The following TIMM44 variants were observed in gnomAD, a reference collection of about 807,000 sequenced individuals.
The protein encoded by TIMM44 is translocase of inner mitochondrial membrane 44, also known as mitochondrial import inner membrane translocase subunit TIM44.
A neutral mutation model predicts 63.8 loss-of-function variants in TIMM44; 37 were observed. The ratio of observed to expected loss-of-function variants is 0.58; its 90% confidence interval spans 0.45 to 0.76. TIMM44 has a LOEUF of 0.76. TIMM44 is among the 30% of genes least tolerant of loss of function. The pLI is 0.00. For synonymous variants in TIMM44, 239 were observed against 245.1 expected, an observed-to-expected ratio of 0.98 and a Z score of 0.23; for missense variants, 573 against 603.8, an observed-to-expected ratio of 0.95 and a Z score of 0.54.
In TIMM44 at chr19:7,928,028, T is replaced by C. The variant is rs566310395; in HGVS notation, c.1128+49A>G. 8.4e-6 allele frequency: 13 copies of C among 1,555,682 alleles called. No homozygotes were observed. The East Asian group carries it at 1.6e-4, about 19-fold the overall frequency. On this transcript the variant is annotated intron_variant, in intron 11 of 12. Transcript: ENST00000270538. ...CACCTCCTGGGCCTTGTCTGGGCCA[T>C]AGTTCCCACCCCCGATGGTGGCCCG...
chr19:7,928,228 AGCT>A, intron 10 of TIMM44, 62 bp from the exon 11 acceptor site: 1 of 1,417,598 alleles, frequency 7.1e-7, no homozygotes, highest in Non-Finnish European at 9.8e-7. Context: ...CGCCACACAG[AGCT>A]GCTGCCCACA....
chr19:7,940,599 A>G (rs907014058), intron 2 of TIMM44, among the ~76,000 whole-genome samples: 3 of 152,038 alleles, frequency 2.0e-5, no homozygotes, highest in Admixed American at 2.0e-4. Flanking sequence ...CGCTGCCCGA[A>G]TGTACAGGTC....
chr19:7,927,371 G>C (rs1017102296), intron 12 of TIMM44, 65 bp from the exon 13 acceptor site: 17 of 1,587,408 alleles, frequency 1.1e-5, no homozygotes, highest in Middle Eastern at 2.2e-4. Context: ...CTCTGGGGGG[G>C]GGCCAGGCTC....
At chr19:7,937,415 G>A (rs995528247) in intron 3 of TIMM44, among the ~76,000 whole-genome samples, 2 of 152,214 alleles carry the variant, frequency 1.3e-5, no homozygotes, top group African/African-American at 4.8e-5. Context: ...GTGAAGATGC[G>A]GGCGCTGGCC....
chr19:7,927,983 C>T (rs1470777576), intron 11 of TIMM44, 94 bp downstream of exon 11: 4 of 1,294,040 alleles, frequency 3.1e-6, no homozygotes, highest in African/African-American at 1.5e-5. Flanking sequence ...CAGCCCATGG[C>T]CCCCAGCCCC....
chr19:7,938,284 T>A (rs993054916), intron 2 of TIMM44, 87 bp from the exon 3 acceptor site: 36 of 1,044,414 alleles, frequency 3.4e-5, no homozygotes, highest in African/African-American at 9.7e-5. Flanking sequence ...GGGATTTTTT[T>A]AAATGTTCTC....
At chr19:7,938,613 C>G (rs970838896) in intron 2 of TIMM44, among the ~76,000 whole-genome samples, 2 of 152,078 alleles carry the variant, frequency 1.3e-5, no homozygotes, top group Non-Finnish European at 2.9e-5. Flanking sequence ...TCGAGACCAG[C>G]CTGGCCAAAA....
At chr19:7,940,972 C>G in intron 2 of TIMM44, 130 bp downstream of exon 2, 2 of 734,990 alleles carry the variant, frequency 2.7e-6, no homozygotes, top group Non-Finnish European at 4.8e-6. Context: ...CTGAAAGCCC[C>G]GGACACAGAA....
rs2279528 is a variant in TIMM44, at chr19:7,932,791, G to A, written c.863-40C>T. 0.23 allele frequency: 378,695 copies of A among 1,613,920 alleles called. 47,399 individuals are homozygous for A. Among genetic ancestry groups the A allele is most frequent in the East Asian group, 0.46 (20,702 of 44,854 alleles). On this transcript the variant is annotated intron_variant, in intron 8 of 12. Transcript: ENST00000270538. ...GCCGGGAGTTCGGGGGGAAGGCCGG[G>A]GACCCCGCCCCACCACCAGCCTGCG...
chr19:7,927,676 T>C lies in TIMM44; in HGVS notation c.1220A>G (p.Glu407Gly). The change falls in exon 12 of 13, where the codon GAG (glutamate) becomes GGG (glycine). Residue 407 changes from glutamate (E) to glycine (G), a missense_variant. Glu to Gly is a moderately conservative substitution (Grantham distance 98, BLOSUM62 -2). Transcript: ENST00000270538. ...LVMVVRNPKG[E>G]VVEGDPDKVL... ...ACTCACCGGGTCACCCTCCACCACC[T>C]CGCCTTTGGGGTTCCTGACCACCAT... 1 of 1,613,424 alleles carries C rather than the reference T, an allele frequency of 6.2e-7. No individual in the cohort carries two copies. Among genetic ancestry groups the C allele is most frequent in the Non-Finnish European group, 8.5e-7 (1 of 1,179,986 alleles).
At chr19:7,928,053 G>A (rs201680343) in intron 11 of TIMM44, 24 bp downstream of exon 11, 469 of 1,605,938 alleles carry the variant, frequency 2.9e-4, no homozygotes, top group South Asian at 2.1e-3. Context: ...ATGGTGGCCC[G>A]GGCCCCCACT....
Position 7,943,637 on chromosome 19 carries a change from G to A in TIMM44, c.15C>T (p.Ala5=), listed in dbSNP as rs779443680. The change falls in exon 1 of 13, where the codon GCC becomes GCT. Residue 5 remains alanine (A), a synonymous_variant. Transcript: ENST00000270538. The surrounding 1 kb of genome is among the most constrained non-coding windows in gnomAD (Gnocchi z 4.3). ...GACAGCGGCACCAGCCACTCCGCAG[G>A]GCCGCCGCCGCCATGTTGGAGAATC... The part of the protein sequence containing the change: MAAA[A]LRSGWCRCPR... The A allele has an allele frequency of 1.4e-5, 22 of 1,568,136 alleles. No homozygotes were observed. The highest frequency in any genetic ancestry group is 1.5e-5 in the Non-Finnish European group (17 of 1,164,092).
At position 7,927,313 on chromosome 19, in the gene TIMM44, G is replaced by A. The variant is rs1331464256; in HGVS notation, c.1240-7C>T. The A allele has an allele frequency of 1.9e-6, 3 of 1,609,908 alleles. No individual in the cohort carries two copies. In the Admixed American group the frequency reaches 5.0e-5, roughly 27 times the overall value. On this transcript the variant is annotated splice_region_variant and splice_polypyrimidine_tract_variant and intron_variant, in intron 12 of 12. Transcript: ENST00000270538. ...GCATCCGCAGCACCTTGTCCTGCAGGGTGGGGTGGGAAGGGCACTGTTGAG... is the reference window on the plus strand; with the variant it reads ...GCATCCGCAGCACCTTGTCCTGCAGAGTGGGGTGGGAAGGGCACTGTTGAG...
chr19:7,935,136 C>T lies in TIMM44; in HGVS notation c.322G>A (p.Glu108Lys), dbSNP rs146002924. The T allele has an allele frequency of 3.2e-5, 52 of 1,601,384 alleles. No homozygotes were observed. Among genetic ancestry groups the T allele is most frequent in the East Asian group, 1.6e-4 (7 of 44,774 alleles). ...QEARRKYKTIESETVRTSEVL... is the reference protein window; with the variant it reads ...QEARRKYKTIKSETVRTSEVL... ...TCGCTCGTCCGCACGGTTTCTGACT[C>T]GATGGTTTTCTAGGTAAAGAGCGCT... Residue 108 changes from glutamate to lysine, a missense_variant, in exon 4 of 13, where the codon GAG (glutamate) becomes AAG (lysine). Physicochemically the swap from Glu to Lys is moderately conservative, Grantham distance 56 (BLOSUM62 1). Transcript: ENST00000270538.
chr19:7,935,142 T>C lies in TIMM44; in HGVS notation c.316A>G (p.Thr106Ala), dbSNP rs755383853. The change falls in exon 4 of 13, where the codon ACC becomes GCC. Residue 106 changes from threonine (T) to alanine (A), a missense_variant. Physicochemically the swap from Thr to Ala is moderately conservative, Grantham distance 58. Coordinates refer to ENST00000270538, the MANE Select transcript of TIMM44 (RefSeq NM_006351.4). Reference protein sequence around the residue: ...VLQEARRKYKTIESETVRTSE... With the variant: ...VLQEARRKYKAIESETVRTSE... ...GTCCGCACGGTTTCTGACTCGATGG[T>C]TTTCTAGGTAAAGAGCGCTGTGTCC... The C allele has an allele frequency of 1.9e-5, 31 of 1,612,446 alleles. 1 individual carries two copies. In the South Asian group the frequency reaches 3.4e-4, roughly 18 times the overall value.
In TIMM44 at chr19:7,926,825, G is replaced by A. The variant is rs1230665898; in HGVS notation, c.*362C>T. 8.9e-6 allele frequency: 3 copies of A among 335,992 alleles called. No homozygotes were observed. Among genetic ancestry groups the A allele is most frequent in the East Asian group, 6.9e-5 (1 of 14,412 alleles). 20.8% of individuals were successfully genotyped at this position (335,992 alleles called of 1,614,324 possible). A position where few individuals can be genotyped will look rare whatever the true frequency, so the allele number is the denominator to read the frequency against. On this transcript the variant is annotated 3_prime_UTR_variant, in exon 13 of 13. Transcript: ENST00000270538. Reference sequence around the variant, plus strand: ...ATGGACCTAAAGTGGCTTGGCTGACGTGGCTAGCGGGCCACTGAGCCGCGG... The same window carrying A: ...ATGGACCTAAAGTGGCTTGGCTGACATGGCTAGCGGGCCACTGAGCCGCGG...
Position 7,934,467 on chromosome 19 carries a change from C to T in TIMM44, c.394-229G>A, listed in dbSNP as rs1984085340. 7.5e-6 allele frequency among the ~76,000 whole-genome samples: 1 copy of T among 134,092 alleles called. No individual in the cohort carries two copies. The allele number at this position is 134,092 out of a possible 152,430, so 88.0% of individuals were successfully genotyped here. A position where few individuals can be genotyped will look rare whatever the true frequency, so the allele number is the denominator to read the frequency against. ...CCAGAGCCACGAGCACACCGGCACCCCCAGAGCCATGAGCACACCGGCACC... is the reference window on the plus strand; with the variant it reads ...CCAGAGCCACGAGCACACCGGCACCTCCAGAGCCATGAGCACACCGGCACC... On this transcript the variant is annotated intron_variant, in intron 4 of 12. Coordinates refer to ENST00000270538, the MANE Select transcript of TIMM44 (RefSeq NM_006351.4). The surrounding 1 kb of genome is among the most constrained non-coding windows in gnomAD (Gnocchi z 5.3).
In TIMM44 at chr19:7,934,559, G is replaced by A. The variant is rs1984089932; in HGVS notation, c.394-321C>T. 6.6e-6 allele frequency among the ~76,000 whole-genome samples: 1 copy of A among 152,174 alleles called. No individual in the cohort carries two copies. Among genetic ancestry groups the A allele is most frequent in the Non-Finnish European group, 1.5e-5 (1 of 68,038 alleles). ...GCCCTGGGCTCTGGGTGAGACGCTG[G>A]GTCTGCTGGCCCCTTTCCAAAATGG... On this transcript the variant is annotated intron_variant, in intron 4 of 12. Transcript: ENST00000270538. This position sits in a 1 kb window ranked among gnomAD's most constrained non-coding sequence, Gnocchi z 5.3.
In TIMM44 at chr19:7,926,900, C is replaced by T. The variant is rs1255708965; in HGVS notation, c.*287G>A. 3 of 445,844 alleles carry T rather than the reference C, an allele frequency of 6.7e-6. No individual in the cohort carries two copies. The highest frequency in any genetic ancestry group is 6.2e-5 in the South Asian group (3 of 48,280). The allele number at this position is 445,844 out of a possible 1,614,324, so 27.6% of individuals were successfully genotyped here. On this transcript the variant is annotated 3_prime_UTR_variant, in exon 13 of 13. Transcript: ENST00000270538. ...GGGGAGTCCCTGGGCCCTGGGGCCTCTTGGCACTGTGTGACCTGTGTGCAC... is the reference window on the plus strand; with the variant it reads ...GGGGAGTCCCTGGGCCCTGGGGCCTTTTGGCACTGTGTGACCTGTGTGCAC...
Sources: gnomAD v4.1 joint callset for allele counts (sites outside exome capture counted in the v4.1 genomes callset) on GRCh38, gnomAD v4.1.1 for gene constraint, Gnocchi (gnomAD v3.1) non-coding constraint, MANE v1.5 for transcripts, NCBI Gene and HGNC (gene_info 2026-07-23, HGNC 2026-07-21) for gene names.